Variants in RELL1 observed in about 807,000 individuals in gnomAD.
RELL1 encodes the protein RELT-like protein 1.
A neutral mutation model predicts 23.0 loss-of-function variants in RELL1; 10 were observed. The ratio of observed to expected loss-of-function variants is 0.43; its 90% CI spans 0.27 to 0.74. The LOEUF (loss-of-function observed/expected upper bound fraction) is 0.74. Among genes scored for constraint, RELL1 ranks in the 30% least tolerant of loss-of-function variants. The pLI, the probability that RELL1 is intolerant of heterozygous loss-of-function variation, is 0.19. For synonymous variants in RELL1, 146 were observed against 146.8 expected (o/e 0.99, Z 0.04); for missense variants, 315 against 364.4 (o/e 0.86, Z 1.10).
chr4:37,630,970 G>T (rs913342536), intron 6 of RELL1, among the ~76,000 whole-genome samples: 1 of 151,680 alleles, frequency 6.6e-6, no homozygotes, highest in African/African-American at 2.4e-5. Flanking sequence ...TGCCAATATC[G>T]AAAATCAGTG....
rs1722416669 is a variant in RELL1, at chr4:37,686,364, G to C, written c.-77C>G. 8.3e-7 allele frequency: 1 copy of C among 1,198,782 alleles called. No individual in the cohort carries two copies. Among genetic ancestry groups the C allele is most frequent in the Non-Finnish European group, 1.1e-6 (1 of 903,628 alleles). 74.3% of individuals were successfully genotyped at this position (1,198,782 alleles called of 1,614,324 possible). ...AAGGCAGAGCCGCTCCGGAGCCGGC[G>C]GGCTGATCGAGTGGCTGGGCTGGGC... On this transcript the variant is annotated 5_prime_UTR_variant, in exon 1 of 7. Coordinates refer to ENST00000454158, the MANE Select transcript of RELL1 (RefSeq NM_001085400.2).
chr4:37,652,738 A>G lies in RELL1; in HGVS notation c.89-3238T>C, dbSNP rs77142211. ...TGTGGCAACCCCTAACAAACACTAAATATCTACAGAGCTCTGTGACTTACA... is the reference window on the plus strand; with the variant it reads ...TGTGGCAACCCCTAACAAACACTAAGTATCTACAGAGCTCTGTGACTTACA... On this transcript the variant is annotated intron_variant, in intron 1 of 6. Transcript: ENST00000454158. Among the ~76,000 whole-genome samples the G allele has an allele frequency of 1.6e-3, 245 of 152,304 alleles. 2 individuals carry two copies. The East Asian group carries it at 0.032, about 20-fold the overall frequency.
intron 6 of RELL1, among the ~76,000 whole-genome samples, chr4:37,604,852 G>GACACACACAC (rs1560323807): frequency 7.4e-5 from 2 of 26,986 alleles, no homozygotes; most frequent in Non-Finnish European, 1.6e-4. Flanking sequence ...CACACACACA[G>GACACACACAC]ACACACACAC....
downstream of RELL1, chr4:37,590,099 A>C (rs1292456302): frequency 1.9e-6 from 3 of 1,612,506 alleles, no homozygotes; most frequent in South Asian, 2.2e-5. Flanking sequence ...TATCTCTTTG[A>C]TCCAGTTCAA....
chr4:37,591,106 G>C, exon 7 of RELL1: 1 of 917,282 alleles, frequency 1.1e-6, no homozygotes, highest in South Asian at 1.7e-5. Context: ...CACCAGTGCA[G>C]CCTTACCAGT....
intron 1 of RELL1, among the ~76,000 whole-genome samples, chr4:37,651,194 G>A (rs766013731): frequency 1.3e-5 from 2 of 152,118 alleles, no homozygotes; most frequent in Non-Finnish European, 2.9e-5. Flanking sequence ...AGTGGCACAT[G>A]CCTATAATCC....
chr4:37,684,754 AC>A (rs769087339), intron 1 of RELL1, among the ~76,000 whole-genome samples: 3 of 152,084 alleles, frequency 2.0e-5, no homozygotes, highest in Non-Finnish European at 4.4e-5. Context: ...GGAGTTCGAG[AC>A]CAGCCTGGCC....
intron 6 of RELL1, among the ~76,000 whole-genome samples, chr4:37,597,671 G>T (rs546080656): frequency 6.6e-6 from 1 of 152,290 alleles, no homozygotes; most frequent in African/African-American, 2.4e-5. Flanking sequence ...AATTTCTGAA[G>T]ACACAAGATC....
At chr4:37,680,927 A>G (rs1037277383) in intron 1 of RELL1, among the ~76,000 whole-genome samples, 4 of 116,398 alleles carry the variant, frequency 3.4e-5, no homozygotes, top group Non-Finnish European at 4.9e-5. Context: ...GCAACACTCC[A>G]TCTCAAAAAA....
At chr4:37,669,287 C>T in intron 1 of RELL1, among the ~76,000 whole-genome samples, 1 of 147,140 alleles carries the variant, frequency 6.8e-6, no homozygotes, top group East Asian at 2.1e-4. Context: ...TGAGGGGAGC[C>T]TCTGCCCGGC....
downstream of RELL1, chr4:37,590,430 T>G: frequency 1.9e-6 from 3 of 1,611,400 alleles, no homozygotes; most frequent in Non-Finnish European, 2.5e-6. Flanking sequence ...CCTGGGCCAG[T>G]ACTGCAAATA....
chr4:37,655,879 A>C (rs919496892), intron 1 of RELL1, among the ~76,000 whole-genome samples: 5 of 152,230 alleles, frequency 3.3e-5, no homozygotes, highest in African/African-American at 9.7e-5. Flanking sequence ...AGATGCTGTA[A>C]GAGAGCACAA....
In RELL1 at chr4:37,638,432, GGGA is replaced by G; in HGVS notation, c.443+12_443+14del. 1 of 1,603,006 alleles carries G rather than the reference GGGA, an allele frequency of 6.2e-7. No individual in the cohort carries two copies. Among genetic ancestry groups the G allele is most frequent in the Non-Finnish European group, 8.5e-7 (1 of 1,171,736 alleles). ...GAAAAGATGTCGCACTAAGAAAGAG[GGGA>G]GGAGCACTCACCTTTCAGGATCATA... is the stretch of plus-strand genomic sequence containing the variant. On this transcript the variant is annotated intron_variant, in intron 4 of 6. Coordinates refer to ENST00000454158, the MANE Select transcript of RELL1 (RefSeq NM_001085400.2).
downstream of RELL1, among the ~76,000 whole-genome samples, chr4:37,607,824 G>A (rs187637667): frequency 4.0e-3 from 601 of 152,118 alleles, 3 homozygotes; most frequent in African/African-American, 0.014. Flanking sequence ...TCCTGACCTC[G>A]TGATCCGCCT....
At position 37,634,912 on chromosome 4, in the gene RELL1, C is replaced by T. The variant is rs368408435; in HGVS notation, c.655G>A (p.Glu219Lys). 14 of 1,614,258 alleles carry T rather than the reference C, an allele frequency of 8.7e-6. No individual in the cohort carries two copies. Among genetic ancestry groups the T allele is most frequent in the African/African-American group, 8.0e-5 (6 of 75,072 alleles). The change falls in exon 5 of 7, where the codon GAG (glutamate) becomes AAG (lysine). Residue 219 changes from glutamate (E) to lysine (K), a missense_variant. Transcript: ENST00000454158. The stretch of plus-strand genomic sequence containing the variant: ...CTGCCAACAGAAAGGACCGTGACCT[C>T]GCCTTGGCGCCGTGGTCTGCTCTCT... ...SRESRPRRQG[E>K]VTVLSVGRFR...
At position 37,604,874 on chromosome 4, in the gene RELL1, C is replaced by CACACAG. The variant is rs1560323888; in HGVS notation, c.*4-13658_*4-13657insCTGTGT. ...ACAGACACACACACACAGACACACA[C>CACACAG]ACACATACACACAGACACACACACA... On this transcript the variant is annotated intron_variant, in intron 6 of 6. Coordinates refer to the RELL1 transcript ENST00000314117. Among the ~76,000 whole-genome samples the CACACAG allele has an allele frequency of 3.0e-3, 292 of 98,206 alleles. 38 individuals are homozygous for CACACAG. Among genetic ancestry groups the CACACAG allele is most frequent in the Non-Finnish European group, 4.9e-3 (239 of 48,768 alleles). The allele number at this position is 98,206 out of a possible 152,430, so 64.4% of individuals were successfully genotyped here. A position where few individuals can be genotyped will look rare whatever the true frequency, so the allele number is the denominator to read the frequency against.
intron 1 of RELL1, among the ~76,000 whole-genome samples, chr4:37,664,650 G>A (rs974091004): frequency 6.6e-6 from 1 of 151,940 alleles, no homozygotes; most frequent in African/African-American, 2.4e-5. Flanking sequence ...ATGAGATAGG[G>A]ACACACAGTA....
chr4:37,600,844 G>A (rs1008919986), intron 6 of RELL1, among the ~76,000 whole-genome samples: 13 of 150,978 alleles, frequency 8.6e-5, no homozygotes. Context: ...ATATTCATCT[G>A]TAATAAGTAA....
Position 37,638,520 on chromosome 4 carries a change from AAAATT to A in RELL1, c.386-21_386-17del, listed in dbSNP as rs746653896. 2 of 1,585,776 alleles carry A rather than the reference AAAATT, an allele frequency of 1.3e-6. No homozygotes were observed. The highest frequency in any genetic ancestry group is 4.5e-5 in the East Asian group (2 of 44,460). ...TCAGCATTCGCTAAGGAATAAAAATAAAATTAAAGAATTAAAATAGAATGAATAAG... is the reference window on the plus strand; with the variant it reads ...TCAGCATTCGCTAAGGAATAAAAATAAAAGAATTAAAATAGAATGAATAAG... On this transcript the variant is annotated splice_polypyrimidine_tract_variant and intron_variant, in intron 3 of 6. Coordinates refer to ENST00000454158, the MANE Select transcript of RELL1 (RefSeq NM_001085400.2).
Sources: allele counts gnomAD v4.1 joint callset (sites outside exome capture counted in the v4.1 genomes callset), GRCh38; gene constraint gnomAD v4.1.1; transcripts MANE v1.5; gene names NCBI Gene and HGNC (gene_info 2026-07-23, HGNC 2026-07-21).